ASB15: variants seen among roughly 807,000 people sequenced by gnomAD.
ASB15 encodes the protein ankyrin repeat and SOCS box protein 15.
ASB15 carries 54 observed loss-of-function variants against 58.0 expected under a neutral mutation model. That is an observed-to-expected ratio of 0.93 (90% CI 0.75 to 1.17). The LOEUF (loss-of-function observed/expected upper bound fraction) is 1.17. Among genes scored for constraint, ASB15 ranks in the 50% most tolerant of loss-of-function variants. The pLI is 0.00. For missense variants in ASB15, 680 were observed against 707.4 expected, an observed-to-expected ratio of 0.96 and a Z score of 0.44; for synonymous variants, 249 against 262.4, an observed-to-expected ratio of 0.95 and a Z score of 0.50.
chr7:123,611,996 C>G (rs989870569), intron 3 of ASB15, among the ~76,000 whole-genome samples: 4 of 151,974 alleles, frequency 2.6e-5, no homozygotes, highest in Non-Finnish European at 5.9e-5. Context: ...AAATAAAATA[C>G]TTTCCACAGA....
intron 11 of ASB15, among the ~76,000 whole-genome samples, chr7:123,635,678 T>C (rs1474017221): frequency 6.6e-6 from 1 of 151,186 alleles, no homozygotes; most frequent in Non-Finnish European, 1.5e-5. Flanking sequence ...AAGTTTTTTT[T>C]ATTGTTTCCA....
upstream of ASB15, among the ~76,000 whole-genome samples, chr7:123,599,257 A>G (rs1799796571): frequency 6.6e-6 from 1 of 150,798 alleles, no homozygotes; most frequent in Non-Finnish European, 1.5e-5. Flanking sequence ...AAAAAAGAAT[A>G]CCAAAAAAAC....
At chr7:123,597,917 C>CAT (rs1554387385), upstream of ASB15, among the ~76,000 whole-genome samples, 5 of 133,072 alleles carry the variant, frequency 3.8e-5, no homozygotes, top group African/African-American at 5.8e-5. Flanking sequence ...TTTCAAACTT[C>CAT]GTGTGTGTGT....
intron 1 of ASB15, among the ~76,000 whole-genome samples, chr7:123,602,394 A>G (rs1488423330): frequency 6.6e-6 from 1 of 152,158 alleles, no homozygotes; most frequent in Non-Finnish European, 1.5e-5. Flanking sequence ...AATAAACCGA[A>G]TAGAATTGGA....
intron 1 of ASB15, among the ~76,000 whole-genome samples, chr7:123,575,816 C>CT (rs71531935): frequency 0.24 from 33,051 of 136,650 alleles, 4,394 homozygotes; most frequent in African/African-American, 0.35. Context: ...ATGAAGTTTT[C>CT]TTTTTTTTTT....
chr7:123,592,276 T>C (rs1374203789), intron 1 of ASB15, among the ~76,000 whole-genome samples: 2 of 151,496 alleles, frequency 1.3e-5, no homozygotes, highest in Non-Finnish European at 3.0e-5. Flanking sequence ...TTTTTGTGTC[T>C]CTGTCTCATT....
intron 1 of ASB15, 54 bp from the exon 2 acceptor site, chr7:123,603,978 C>A (rs897740555): frequency 6.6e-6 from 1 of 152,156 alleles, no homozygotes; most frequent in Non-Finnish European, 1.5e-5. Flanking sequence ...GCCTTCAGAG[C>A]CTGTGGTTCA....
chr7:123,595,354 T>C (rs943837409), intron 1 of ASB15, among the ~76,000 whole-genome samples: 3 of 152,192 alleles, frequency 2.0e-5, no homozygotes, highest in East Asian at 3.9e-4. Context: ...TTTTGCCTCA[T>C]GACAAAAAGT....
intron 2 of ASB15, 62 bp from the exon 3 acceptor site, chr7:123,608,532 A>G (rs1800265310): frequency 1.3e-5 from 2 of 152,214 alleles, no homozygotes; most frequent in Non-Finnish European, 2.9e-5. Flanking sequence ...TATCAGAAGA[A>G]CATACTTTGC....
intron 7 of ASB15, chr7:123,622,638 G>A (rs1801404040): frequency 6.6e-6 from 1 of 152,002 alleles, no homozygotes; most frequent in African/African-American, 2.4e-5. Context: ...AGATTATGAG[G>A]GAACAGGCTC....
chr7:123,574,064 AG>A (rs1432412824), intron 1 of ASB15, among the ~76,000 whole-genome samples: 2 of 152,188 alleles, frequency 1.3e-5, no homozygotes, highest in African/African-American at 4.8e-5. Flanking sequence ...AAGTGATAGC[AG>A]TCTATTTCCA....
intron 4 of ASB15, among the ~76,000 whole-genome samples, chr7:123,615,102 G>A (rs571979589): frequency 9.9e-5 from 15 of 152,184 alleles, no homozygotes; most frequent in Admixed American, 5.2e-4. Flanking sequence ...TGAGAGAAGC[G>A]TTGTGGGCTT....
chr7:123,590,849 G>A (rs760918694), intron 1 of ASB15, among the ~76,000 whole-genome samples: 4 of 152,142 alleles, frequency 2.6e-5, no homozygotes. Context: ...GGCAGTGGTA[G>A]CTTGATGGGG....
intron 3 of ASB15, among the ~76,000 whole-genome samples, chr7:123,612,960 G>T (rs1044783491): frequency 6.6e-6 from 1 of 151,910 alleles, no homozygotes; most frequent in Non-Finnish European, 1.5e-5. Flanking sequence ...CATCTATGTG[G>T]TGAATAAGAT....
chr7:123,629,387 G>A lies in ASB15; in HGVS notation c.1393G>A (p.Glu465Lys), dbSNP rs370567182. The change falls in exon 10 of 12, where the codon GAA (glutamate) becomes AAA (lysine). Residue 465 changes from glutamate (E) to lysine (K), a missense_variant. Physicochemically the swap from Glu to Lys is moderately conservative, Grantham distance 56 (BLOSUM62 1). Transcript: ENST00000451215. Reference protein sequence around the residue: ...GNSFVWSEIQEEVLPGWTSCV... With the variant: ...GNSFVWSEIQKEVLPGWTSCV... ...TTCATTTGTGTGGTCAGAGATACAGGAAGAGGTGCTGCCAGGATGGACATC... is the reference window on the plus strand; with the variant it reads ...TTCATTTGTGTGGTCAGAGATACAGAAAGAGGTGCTGCCAGGATGGACATC... 6.2e-7 allele frequency: 1 copy of A among 1,613,626 alleles called. No individual in the cohort carries two copies. Among genetic ancestry groups the A allele is most frequent in the African/African-American group, 1.3e-5 (1 of 75,052 alleles).
Position 123,636,789 on chromosome 7 carries a change from AT to A in ASB15, c.1595-16del. 1.3e-6 allele frequency: 2 copies of A among 1,586,992 alleles called. No homozygotes were observed. The highest frequency in any genetic ancestry group is 1.7e-6 in the Non-Finnish European group (2 of 1,168,440). On this transcript the variant is annotated intron_variant, in intron 11 of 11. Transcript: ENST00000451215. ...CACTATTTAAAAAATTTTTTTGCTT[AT>A]TTTCCCGATTTCTTTTAGAGAATCC...
At chr7:123,603,544 C>A (rs1050609813) in intron 1 of ASB15, among the ~76,000 whole-genome samples, 10 of 151,274 alleles carry the variant, frequency 6.6e-5, no homozygotes, top group African/African-American at 2.0e-4. Context: ...TGGGAGGGTG[C>A]AAAATAATGG....
Position 123,616,271 on chromosome 7 carries a change from A to G in ASB15, c.158A>G (p.Gln53Arg), listed in dbSNP as rs1260872607. The G allele has an allele frequency of 6.2e-7, 1 of 1,610,436 alleles. No individual in the cohort carries two copies. The highest frequency in any genetic ancestry group is 8.5e-7 in the Non-Finnish European group (1 of 1,176,898). The change falls in exon 5 of 12, where the codon CAA becomes CGA. Residue 53 changes from glutamine (Q) to arginine (R), a missense_variant and splice_region_variant. By Grantham distance (43) the Gln-to-Arg change is conservative (BLOSUM62 1). Transcript: ENST00000451215. ...AGAAAACTTGTGGAGGCCATAAAAC[A>G]AGGTAAATGGGTGTACTATCTACAG... Reference protein sequence around the residue: ...QNRKLVEAIKQGHIPELQEYV... With the variant: ...QNRKLVEAIKRGHIPELQEYV...
chr7:123,607,591 A>G (rs1800211233), intron 2 of ASB15, among the ~76,000 whole-genome samples: 1 of 152,156 alleles, frequency 6.6e-6, no homozygotes, highest in African/African-American at 2.4e-5. Context: ...GGCTCAAGCA[A>G]TCCTCCCACC....
Sources: allele counts gnomAD v4.1 joint callset (sites outside exome capture counted in the v4.1 genomes callset), GRCh38; gene constraint gnomAD v4.1.1; transcripts MANE v1.5; gene names NCBI Gene and HGNC (gene_info 2026-07-23, HGNC 2026-07-21).